The following MEP1B variants were observed in gnomAD, a reference collection of about 807,000 sequenced individuals.
The protein encoded by MEP1B is N-benzoyl-L-tyrosyl-P-amino-benzoic acid hydrolase subunit beta.
MEP1B carries 80 observed loss-of-function variants against 84.6 expected under a neutral mutation model. That is an observed-to-expected ratio of 0.95 (90% CI 0.79 to 1.14). MEP1B has a LOEUF of 1.14. Among genes scored for constraint, MEP1B ranks in the 50% most tolerant of loss-of-function variants. MEP1B has a pLI of 0.00. For synonymous variants in MEP1B, 273 were observed against 288.1 expected, an observed-to-expected ratio of 0.95 and a Z score of 0.53; for missense variants, 766 against 855.1, an observed-to-expected ratio of 0.90 and a Z score of 1.30.
intron 1 of MEP1B, among the ~76,000 whole-genome samples, chr18:32,190,472 A>ATGAG (rs2040791381): frequency 6.6e-6 from 1 of 152,152 alleles, no homozygotes; most frequent in African/African-American, 2.4e-5. Flanking sequence ...TGAGACATGA[A>ATGAG]TGAGTGTCAC....
At chr18:32,194,341 C>T (rs2040831801) in intron 4 of MEP1B, among the ~76,000 whole-genome samples, 1 of 152,160 alleles carries the variant, frequency 6.6e-6, no homozygotes, top group Admixed American at 6.5e-5. Flanking sequence ...CCTTATCTCT[C>T]ACAGCAAAGT....
At chr18:32,201,747 T>C (rs2040915183) in intron 5 of MEP1B, among the ~76,000 whole-genome samples, 1 of 152,202 alleles carries the variant, frequency 6.6e-6, no homozygotes, top group Admixed American at 6.5e-5. Context: ...ATAACGATAG[T>C]GTATTACTTA....
chr18:32,217,849 T>G lies in MEP1B; in HGVS notation c.1975T>G (p.Ser659Ala), dbSNP rs1220248687. 1 of 1,613,964 alleles carries G rather than the reference T, an allele frequency of 6.2e-7. No individual in the cohort carries two copies. The highest frequency in any genetic ancestry group is 2.2e-5 in the East Asian group (1 of 44,870). The change falls in exon 14 of 15, where the codon TCT becomes GCT. Residue 659 changes from serine (S) to alanine (A), a missense_variant. Transcript: ENST00000269202. Reference protein sequence around the residue: ...TRDTIVIAVSSTVAVFALMLI... With the variant: ...TRDTIVIAVSATVAVFALMLI... ...AGACACCATAGTCATTGCTGTTTCATCTACTGTTGCTGTGTTTGCCTTGAT... is the reference window on the plus strand; with the variant it reads ...AGACACCATAGTCATTGCTGTTTCAGCTACTGTTGCTGTGTTTGCCTTGAT...
intron 11 of MEP1B, among the ~76,000 whole-genome samples, chr18:32,214,865 T>G (rs999222466): frequency 8.5e-5 from 13 of 152,320 alleles, no homozygotes; most frequent in Middle Eastern, 3.4e-3. Context: ...ACTCTTATTC[T>G]AGAGTGTGGT....
chr18:32,199,542 T>C (rs1294731090), intron 5 of MEP1B, among the ~76,000 whole-genome samples: 1 of 152,190 alleles, frequency 6.6e-6, no homozygotes, highest in Non-Finnish European at 1.5e-5. Flanking sequence ...GAGAGAAAGA[T>C]GTTCATTGAC....
chr18:32,209,899 G>T (rs973586669), intron 9 of MEP1B, among the ~76,000 whole-genome samples: 2 of 152,106 alleles, frequency 1.3e-5, no homozygotes, highest in African/African-American at 4.8e-5. Context: ...CACCTTTCCA[G>T]AAAGACCTAG....
rs1249054257 is a variant in MEP1B at position 32,213,454 on chromosome 18, T to C, written c.1474T>C (p.Cys492Arg). The change falls in exon 11 of 15, where the codon TGT (cysteine) becomes CGT (arginine). Residue 492 changes from cysteine to arginine, a missense_variant. Cys to Arg is a radical substitution (Grantham distance 180, BLOSUM62 -3). Transcript: ENST00000269202. ...GANDDQLQWP[C>R]PWQQATMTLL... ...CAATGATGATCAATTACAGTGGCCA[T>C]GTCCTTGGCAACAAGCCACAATGAC... is the stretch of plus-strand genomic sequence containing the variant. 1.2e-6 allele frequency: 2 copies of C among 1,613,784 alleles called. No individual in the cohort carries two copies. The highest frequency in any genetic ancestry group is 2.2e-5 in the East Asian group (1 of 44,890).
chr18:32,215,211 G>C lies in MEP1B; in HGVS notation c.1709G>C (p.Ser570Thr). The change falls in exon 12 of 15, where the codon AGC becomes ACC. Residue 570 changes from serine to threonine, a missense_variant. Coordinates refer to ENST00000269202, the MANE Select transcript of MEP1B (RefSeq NM_005925.3). ...SAFITHERLK[S>T]RDFIKGDDVY... ...TTTATAACCCACGAAAGGCTGAAAAGCAGAGATTTTATAAAAGGAGATGAT... is the reference window on the plus strand; with the variant it reads ...TTTATAACCCACGAAAGGCTGAAAACCAGAGATTTTATAAAAGGAGATGAT... 6.2e-7 allele frequency: 1 copy of C among 1,609,820 alleles called. No homozygotes were observed. The highest frequency in any genetic ancestry group is 8.5e-7 in the Non-Finnish European group (1 of 1,178,362).
intron 8 of MEP1B, 56 bp from the exon 9 acceptor site, chr18:32,208,063 G>T: frequency 6.3e-7 from 1 of 1,574,976 alleles, no homozygotes. Flanking sequence ...TTCAGTTTTT[G>T]TTACTTAGAT....
chr18:32,193,557 T>C (rs932409128), intron 4 of MEP1B, among the ~76,000 whole-genome samples: 6 of 152,174 alleles, frequency 3.9e-5, no homozygotes, highest in Non-Finnish European at 5.9e-5. Flanking sequence ...GTTTAGAACA[T>C]GTTATTATAC....
Position 32,208,171 on chromosome 18 carries a change from T to A in MEP1B, c.819T>A (p.Cys273Ter), listed in dbSNP as rs750542961. Residue 273 changes from cysteine (C) to a stop codon, truncating the protein, a stop_gained, in exon 9 of 15, where the codon TGT (cysteine) becomes TGA (stop). Coordinates refer to ENST00000269202, the MANE Select transcript of MEP1B (RefSeq NM_005925.3). LOFTEE classifies it high-confidence loss of function. ...GCAGTTTTGAACTGGAAAATGTGTG[T>A]GGCATGATCCAAAGTTCAGGAGATA... ...DSCSFELENVCGMIQSSGDNA... is the reference protein window; with the variant it reads ...DSCSFELENV 6.2e-7 allele frequency: 1 copy of A among 1,613,870 alleles called. No homozygotes were observed. The highest frequency in any genetic ancestry group is 8.5e-7 in the Non-Finnish European group (1 of 1,179,886).
intron 1 of MEP1B, 111 bp downstream of exon 1, chr18:32,190,244 G>A: frequency 1.3e-6 from 1 of 771,504 alleles, no homozygotes; most frequent in Non-Finnish European, 2.1e-6. Context: ...TTGAAATGTT[G>A]ATCTCAAATG....
chr18:32,204,063 T>G, intron 6 of MEP1B, 119 bp from the exon 7 acceptor site: 1 of 794,622 alleles, frequency 1.3e-6, no homozygotes, highest in Non-Finnish European at 2.1e-6. Flanking sequence ...AGTGTTCAGA[T>G]GTAAGAGCAA....
chr18:32,205,376 C>T (rs901828378), intron 7 of MEP1B, among the ~76,000 whole-genome samples: 3 of 152,158 alleles, frequency 2.0e-5, no homozygotes, highest in African/African-American at 7.2e-5. Flanking sequence ...CTGTGTGGGG[C>T]GAGACAGAGG....
chr18:32,202,334 CTT>C (rs903839350), intron 5 of MEP1B, among the ~76,000 whole-genome samples: 2 of 152,206 alleles, frequency 1.3e-5, no homozygotes, highest in Non-Finnish European at 2.9e-5. Flanking sequence ...CCATATCACT[CTT>C]ATATCCAGAG....
chr18:32,205,450 C>T (rs1296605372), intron 7 of MEP1B, among the ~76,000 whole-genome samples: 1 of 152,160 alleles, frequency 6.6e-6, no homozygotes. Flanking sequence ...CCCCTGACAC[C>T]ACACTTCTTG....
Position 32,207,230 on chromosome 18 carries a change from A to C in MEP1B, c.548-22A>C, listed in dbSNP as rs2040974588. The C allele has an allele frequency of 2.0e-6, 3 of 1,516,216 alleles. No individual in the cohort carries two copies. In the Middle Eastern group the frequency reaches 5.7e-4, roughly 287 times the overall value. 93.9% of individuals were successfully genotyped at this position (1,516,216 alleles called of 1,614,324 possible). A position where few individuals can be genotyped will look rare whatever the true frequency, so the allele number is the denominator to read the frequency against. On this transcript the variant is annotated intron_variant, in intron 7 of 14. Transcript: ENST00000269202. ...GCTGAATTTTGTGAACATCAAGTAA[A>C]GATTTTTTATTTATCCTTTAGGCAG...
chr18:32,213,274 T>C lies in MEP1B; in HGVS notation c.1294T>C (p.Trp432Arg), dbSNP rs1205873464. The change falls in exon 11 of 15, where the codon TGG becomes CGG. Residue 432 changes from tryptophan (W) to arginine (R), a missense_variant. Physicochemically the swap from Trp to Arg is moderately radical, Grantham distance 101 (BLOSUM62 -3). Coordinates refer to ENST00000269202, the MANE Select transcript of MEP1B (RefSeq NM_005925.3). ...LSETRCPHHI[W>R]HIRNFTQFIG... ...GGAAACACGGTGCCCTCATCATATC[T>C]GGCATATAAGGAATTTCACACAGTT... 3.1e-6 allele frequency: 5 copies of C among 1,613,906 alleles called. No homozygotes were observed. In the African/African-American group the frequency reaches 6.7e-5, roughly 22 times the overall value.
At chr18:32,206,988 C>T (rs1038826111) in intron 7 of MEP1B, among the ~76,000 whole-genome samples, 5 of 152,196 alleles carry the variant, frequency 3.3e-5, no homozygotes, top group Admixed American at 6.5e-5. Context: ...CTCCTTTCCA[C>T]GAGCAATTTT....
Sources: gnomAD v4.1 joint callset for allele counts (sites outside exome capture counted in the v4.1 genomes callset) on GRCh38, gnomAD v4.1.1 for gene constraint, MANE v1.5 for transcripts, NCBI Gene and HGNC (gene_info 2026-07-23, HGNC 2026-07-21) for gene names.